Variants in GAK observed in about 807,000 individuals in gnomAD.
GAK encodes cyclin G associated kinase.
GAK carries 79 observed loss-of-function variants against 143.9 expected under a neutral mutation model. The ratio of observed to expected loss-of-function variants is 0.55; its 90% CI spans 0.46 to 0.66. The LOEUF is 0.66. GAK is among the 30% of genes least tolerant of loss of function. GAK has a pLI of 0.00. For synonymous variants in GAK, 881 were observed against 765.5 expected (o/e 1.15, Z -2.49); for missense variants, 1,693 against 1,779.7 (o/e 0.95, Z 0.88).
intron 11 of GAK, chr4:887,616 C>T (rs186217210): frequency 2.7e-4 from 40 of 148,946 alleles, no homozygotes; most frequent in African/African-American, 6.7e-4. Flanking sequence ...CAGGCACTCG[C>T]GCGCATGCGT....
intron 1 of GAK, among the ~76,000 whole-genome samples, chr4:916,951 TG>T (rs1184510482): frequency 1.3e-5 from 2 of 152,140 alleles, no homozygotes; most frequent in Admixed American, 1.3e-4. Context: ...CATCAACAGG[TG>T]AATGAACAAA....
chr4:919,898 C>T (rs1723647210), intron 1 of GAK, among the ~76,000 whole-genome samples: 1 of 152,218 alleles, frequency 6.6e-6, no homozygotes, highest in African/African-American at 2.4e-5. Flanking sequence ...TGCCTGTAAT[C>T]CCAAAGCTTA....
chr4:883,831 G>A (rs1715672044), intron 12 of GAK, among the ~76,000 whole-genome samples: 1 of 152,258 alleles, frequency 6.6e-6, no homozygotes, highest in Admixed American at 6.5e-5. Context: ...GGGAGGCCAG[G>A]CTGGCGCTGA....
intron 18 of GAK, among the ~76,000 whole-genome samples, chr4:875,343 G>A (rs569847127): frequency 1.3e-5 from 2 of 152,350 alleles, no homozygotes; most frequent in Admixed American, 1.3e-4. Flanking sequence ...AAAGACAAGA[G>A]ATGTAAAAAA....
intron 6 of GAK, among the ~76,000 whole-genome samples, chr4:897,769 T>C (rs1719076707): frequency 6.6e-6 from 1 of 152,134 alleles, no homozygotes; most frequent in African/African-American, 2.4e-5. Context: ...GCCAACACGG[T>C]GAAACCCCGT....
At chr4:884,178 C>A in intron 11 of GAK, 92 bp from the exon 12 acceptor site, 1 of 1,120,946 alleles carries the variant, frequency 8.9e-7, no homozygotes, top group Non-Finnish European at 1.3e-6. Context: ...CCTGGAGAAG[C>A]CGTGGGGCTC....
intron 5 of GAK, among the ~76,000 whole-genome samples, chr4:903,496 GA>G (rs1339088726): frequency 6.6e-6 from 1 of 152,220 alleles, no homozygotes; most frequent in East Asian, 1.9e-4. Context: ...CCGAACCAGG[GA>G]GGCACTGTGG....
At chr4:862,202 C>T (rs1260743402) in intron 23 of GAK, among the ~76,000 whole-genome samples, 1 of 152,018 alleles carries the variant, frequency 6.6e-6, no homozygotes, top group East Asian at 1.9e-4. Context: ...AAGTCATCCG[C>T]TAAGATCCGG....
intron 9 of GAK, among the ~76,000 whole-genome samples, chr4:893,046 C>T (rs570458966): frequency 6.6e-6 from 1 of 152,324 alleles, no homozygotes; most frequent in African/African-American, 2.4e-5. Flanking sequence ...AGCCACATGC[C>T]ACCCTCCTCT....
rs749140920 is a variant in GAK at position 868,595 on chromosome 4, G to A, written c.2339C>T (p.Ser780Leu). 1 of 1,602,828 alleles carries A rather than the reference G, an allele frequency of 6.2e-7. No homozygotes were observed. Among genetic ancestry groups the A allele is most frequent in the Non-Finnish European group, 8.5e-7 (1 of 1,175,134 alleles). The change falls in exon 20 of 28, where the codon TCA (serine) becomes TTA (leucine). Residue 780 changes from serine to leucine, a missense_variant. By Grantham distance (145) the Ser-to-Leu change is moderately radical. Coordinates refer to ENST00000314167, the MANE Select transcript of GAK (RefSeq NM_005255.4). ...SPEAEPTDSD[S>L]PPSSSADASR... ...GGCGTCCGCGCTGCTGCTTGGCGGT[G>A]AGTCAGAGTCTGTGGGTTCGGCTTC...
At chr4:922,514 C>CAAAAAAA (rs35567795) in intron 1 of GAK, among the ~76,000 whole-genome samples, 1 of 62,926 alleles carries the variant, frequency 1.6e-5, no homozygotes, top group Non-Finnish European at 2.9e-5. Flanking sequence ...GACTCCATCT[C>CAAAAAAA]AAAAAAAAAA....
At chr4:869,844 CAG>C (rs1712126647) in intron 19 of GAK, 1 of 150,526 alleles carries the variant, frequency 6.6e-6, no homozygotes, top group Admixed American at 6.6e-5. Flanking sequence ...TGAATGCACA[CAG>C]CACACATAGA....
In GAK at chr4:859,683, C is replaced by T; in HGVS notation, c.3206G>A (p.Gly1069Asp). ...FSPGGQPAPC[G>D]SQASWTKSQN... ...AGACTTGGTCCAGCTGGCCTGAGAG[C>T]CACAAGGGGCCGGCTGACCTCCAGG... Residue 1069 changes from glycine (G) to aspartate (D), a missense_variant, in exon 24 of 28, where the codon GGC becomes GAC. Gly to Asp is a moderately conservative substitution (Grantham distance 94, BLOSUM62 -1). This residue lies in a region of GAK where 822 missense variants were observed against 788.7 expected (regional missense o/e 1.04). Coordinates refer to ENST00000314167, the MANE Select transcript of GAK (RefSeq NM_005255.4). 1.2e-6 allele frequency: 2 copies of T among 1,600,360 alleles called. No homozygotes were observed. Among genetic ancestry groups the T allele is most frequent in the Non-Finnish European group, 1.7e-6 (2 of 1,168,644 alleles).
At chr4:889,171 C>T (rs189749457) in intron 10 of GAK, among the ~76,000 whole-genome samples, 234 of 152,262 alleles carry the variant, frequency 1.5e-3, no homozygotes, top group African/African-American at 5.5e-3. Context: ...CTGACCCACA[C>T]GTACCCAGCG....
intron 11 of GAK, among the ~76,000 whole-genome samples, chr4:884,777 C>A (rs1199547978): frequency 6.6e-6 from 1 of 152,202 alleles, no homozygotes; most frequent in Admixed American, 6.5e-5. Flanking sequence ...CAGAAGGGAG[C>A]CTCCCTCCCA....
intron 1 of GAK, 183 bp from the exon 2 acceptor site, chr4:913,851 C>G: frequency 1.7e-6 from 1 of 584,220 alleles, no homozygotes; most frequent in South Asian, 1.8e-5. Flanking sequence ...CATGCCCCCA[C>G]ACACACAGCC....
intron 3 of GAK, chr4:912,485 G>C (rs1722221459): frequency 2.2e-6 from 1 of 448,370 alleles, no homozygotes; most frequent in Admixed American, 3.5e-5. Context: ...GAGACCTCTT[G>C]GGTAGGAACA....
At chr4:880,498 C>T (rs1330695091) in intron 15 of GAK, among the ~76,000 whole-genome samples, 4 of 152,186 alleles carry the variant, frequency 2.6e-5, no homozygotes, top group Admixed American at 1.3e-4. Flanking sequence ...CTTGCCCGGC[C>T]CTCACTCTCC....
intron 2 of GAK, 29 bp from the exon 3 acceptor site, chr4:912,823 A>AT: frequency 6.2e-7 from 1 of 1,604,242 alleles, no homozygotes; most frequent in Non-Finnish European, 8.5e-7. Flanking sequence ...CACACAAAAG[A>AT]TGAAAGCAAG....
Sources: allele counts gnomAD v4.1 joint callset (sites outside exome capture counted in the v4.1 genomes callset), GRCh38; gene constraint gnomAD v4.1.1; regional missense constraint gnomAD v4.1.1; transcripts MANE v1.5; gene names NCBI Gene and HGNC (gene_info 2026-07-23, HGNC 2026-07-21).